The following AP3S1 variants were observed in gnomAD, a reference collection of about 807,000 sequenced individuals.
AP3S1 encodes the protein adaptor related protein complex 3 subunit sigma 1, also known as AP-3 complex subunit sigma-1.
AP3S1 carries 12 observed loss-of-function variants against 21.3 expected under a neutral mutation model. The observed-to-expected ratio is 0.56, with a 90% CI of 0.36 to 0.91. AP3S1 has a LOEUF of 0.91. Among genes scored for constraint, AP3S1 ranks in the 40% least tolerant of loss-of-function variants. The probability of loss-of-function intolerance (pLI) is 0.01; values close to 1 mark genes in which losing one functional copy is unlikely to be tolerated. For synonymous variants in AP3S1, 48 were observed against 78.4 expected, an observed-to-expected ratio of 0.61 and a Z score of 2.05; for missense variants, 116 against 225.0, an observed-to-expected ratio of 0.52 and a Z score of 3.10.
intron 5 of AP3S1, among the ~76,000 whole-genome samples, chr5:115,905,236 C>T (rs565038770): frequency 2.6e-5 from 4 of 152,048 alleles, no homozygotes; most frequent in East Asian, 3.9e-4. Context: ...AATAAAACTT[C>T]GTTAATGAGG....
rs530620120 is a variant in AP3S1, at chr5:115,846,502, A to C, written c.69+4396A>C. ...TTTTTTTAATAAACTGTATTTAATT[A>C]AACTGTTAACCAAATGCAAGCCTTA... On this transcript the variant is annotated intron_variant, in intron 1 of 5. Coordinates refer to ENST00000316788, the MANE Select transcript of AP3S1 (RefSeq NM_001284.4). Among the ~76,000 whole-genome samples the C allele has an allele frequency of 3.4e-4, 52 of 152,072 alleles. 1 individual carries two copies. Among genetic ancestry groups the C allele is most frequent in the Admixed American group, 2.3e-3 (35 of 15,282 alleles).
intron 1 of AP3S1, among the ~76,000 whole-genome samples, chr5:115,861,547 A>C (rs1286718489): frequency 2.0e-5 from 3 of 152,068 alleles, no homozygotes; most frequent in Non-Finnish European, 2.9e-5. Flanking sequence ...GGATTTTAAA[A>C]AGTTATTATT....
chr5:115,885,531 G>A (rs1163152866), intron 3 of AP3S1, among the ~76,000 whole-genome samples: 2 of 152,196 alleles, frequency 1.3e-5, no homozygotes, highest in African/African-American at 4.8e-5. Context: ...CAGCAAGCAA[G>A]GTTATTTAAC....
intron 5 of AP3S1, chr5:115,912,125 G>C (rs1752157703): frequency 1.3e-5 from 2 of 151,818 alleles, no homozygotes; most frequent in South Asian, 4.1e-4. Context: ...TATCAGTCAA[G>C]ATTTTTCTCA....
chr5:115,883,972 C>G (rs1749539230), intron 3 of AP3S1, among the ~76,000 whole-genome samples: 1 of 152,100 alleles, frequency 6.6e-6, no homozygotes. Flanking sequence ...ACATACAAAT[C>G]AAATTAAGTC....
chr5:115,886,431 C>T (rs569854747), intron 3 of AP3S1, among the ~76,000 whole-genome samples: 17 of 152,070 alleles, frequency 1.1e-4, no homozygotes, highest in Admixed American at 3.9e-4. Flanking sequence ...AATGTGAAGA[C>T]GAAGATAAAG....
At chr5:115,887,595 A>G (rs1296860977) in intron 3 of AP3S1, among the ~76,000 whole-genome samples, 1 of 152,070 alleles carries the variant, frequency 6.6e-6, no homozygotes, top group Non-Finnish European at 1.5e-5. Flanking sequence ...GCTAATGTAT[A>G]TTGAGTGTTT....
At chr5:115,876,642 A>G (rs368523040) in intron 3 of AP3S1, among the ~76,000 whole-genome samples, 1 of 152,162 alleles carries the variant, frequency 6.6e-6, no homozygotes, top group African/African-American at 2.4e-5. Context: ...GATGTAATTC[A>G]CACATTCCAT....
At chr5:115,871,426 C>T (rs1190624910) in intron 3 of AP3S1, among the ~76,000 whole-genome samples, 1 of 152,158 alleles carries the variant, frequency 6.6e-6, no homozygotes, top group Non-Finnish European at 1.5e-5. Flanking sequence ...ATTTTGCCCT[C>T]CACTCCATCT....
At chr5:115,849,048 G>T (rs2112774739) in intron 1 of AP3S1, among the ~76,000 whole-genome samples, 1 of 152,162 alleles carries the variant, frequency 6.6e-6, no homozygotes, top group African/African-American at 2.4e-5. Context: ...TTTCTGATCT[G>T]TCTCTCCATT....
At chr5:115,855,497 G>T (rs973927724) in intron 1 of AP3S1, among the ~76,000 whole-genome samples, 1 of 151,496 alleles carries the variant, frequency 6.6e-6, no homozygotes, top group African/African-American at 2.4e-5. Flanking sequence ...GCATCACCAT[G>T]CCCAGCTAAT....
At chr5:115,842,190 C>G in intron 1 of AP3S1, 84 bp downstream of exon 1, 2 of 1,476,284 alleles carry the variant, frequency 1.4e-6, no homozygotes, top group Non-Finnish European at 1.8e-6. Flanking sequence ...CAGAGCGACC[C>G]CCTCCGGCGC....
intron 1 of AP3S1, among the ~76,000 whole-genome samples, chr5:115,851,438 TCCCA>T (rs1762433187): frequency 6.6e-6 from 1 of 152,174 alleles, no homozygotes; most frequent in East Asian, 1.9e-4. Flanking sequence ...CATTTTACAT[TCCCA>T]CCAGCAATGC....
intron 3 of AP3S1, among the ~76,000 whole-genome samples, chr5:115,878,923 A>G (rs1297748320): frequency 6.6e-6 from 1 of 152,120 alleles, no homozygotes; most frequent in Non-Finnish European, 1.5e-5. Context: ...ATCCCTTGTA[A>G]GTTGTATTCC....
At chr5:115,909,178 C>G (rs1161911873) in intron 5 of AP3S1, among the ~76,000 whole-genome samples, 4 of 151,924 alleles carry the variant, frequency 2.6e-5, no homozygotes, top group Non-Finnish European at 5.9e-5. Context: ...CTTTCCTTTT[C>G]CCTTCAAGAA....
intron 1 of AP3S1, among the ~76,000 whole-genome samples, chr5:115,845,282 G>A (rs1761973165): frequency 6.6e-6 from 1 of 152,118 alleles, no homozygotes; most frequent in Admixed American, 6.5e-5. Context: ...TTAACACTGA[G>A]CAGTTTAAAA....
rs1749071411 is a variant in AP3S1, at chr5:115,879,469, TGA to T, written c.273+9342_273+9343del. On this transcript the variant is annotated intron_variant, in intron 3 of 5. Transcript: ENST00000316788. Reference sequence around the variant, plus strand: ...TATTGAAATAATCATGTGGTTTTTGTGACTGGTTCTGTTTATGTGATGGATTA... The same window carrying T: ...TATTGAAATAATCATGTGGTTTTTGTCTGGTTCTGTTTATGTGATGGATTA... Among the ~76,000 whole-genome samples, 5 of 152,338 alleles carry T rather than the reference TGA, an allele frequency of 3.3e-5. No individual in the cohort carries two copies. In the South Asian group the frequency reaches 6.2e-4, roughly 19 times the overall value.
rs1763643373 is a variant in AP3S1 at position 115,866,657 on chromosome 5, T to TA, written c.70-12dup. On this transcript the variant is annotated splice_polypyrimidine_tract_variant and intron_variant, in intron 1 of 5. Coordinates refer to ENST00000316788, the MANE Select transcript of AP3S1 (RefSeq NM_001284.4). ...ACACTCCATCCTAATATATATGAATTATTCTTCCTCAGAGTGAAGATACAC... is the reference window on the plus strand; with the variant it reads ...ACACTCCATCCTAATATATATGAATTAATTCTTCCTCAGAGTGAAGATACAC... 2 of 1,554,290 alleles carry TA rather than the reference T, an allele frequency of 1.3e-6. No homozygotes were observed. The highest frequency in any genetic ancestry group is 4.6e-5 in the East Asian group (2 of 43,640).
At position 115,875,141 on chromosome 5, in the gene AP3S1, G is replaced by GT. The variant is rs200081867; in HGVS notation, c.273+5022dup. 9.6e-3 allele frequency among the ~76,000 whole-genome samples: 1,456 copies of GT among 151,320 alleles called. 11 individuals are homozygous for GT. Among genetic ancestry groups the GT allele is most frequent in the Non-Finnish European group, 0.016 (1,073 of 67,772 alleles). On this transcript the variant is annotated intron_variant, in intron 3 of 5. Coordinates refer to ENST00000316788, the MANE Select transcript of AP3S1 (RefSeq NM_001284.4). Reference sequence around the variant, plus strand: ...TTAGTACACAAACTGAAGTAAATATGTTTTTTTTTAATCTTTCTGACTTTC... The same window carrying GT: ...TTAGTACACAAACTGAAGTAAATATGTTTTTTTTTTAATCTTTCTGACTTTC...
Sources: allele counts gnomAD v4.1 joint callset (sites outside exome capture counted in the v4.1 genomes callset), GRCh38; gene constraint gnomAD v4.1.1; transcripts MANE v1.5; gene names NCBI Gene and HGNC (gene_info 2026-07-23, HGNC 2026-07-21).